Variants in RBFOX3 observed in about 807,000 individuals in gnomAD.
RBFOX3 encodes the protein RNA binding protein fox-1 homolog 3.
RBFOX3 carries 17 observed loss-of-function variants against 48.7 expected under a neutral mutation model. That is an observed-to-expected ratio of 0.35 (90% CI 0.24 to 0.52). The LOEUF is 0.52. Ranked by LOEUF, RBFOX3 falls within the 20% of genes least tolerant of loss-of-function variation. The pLI, the probability that RBFOX3 is intolerant of heterozygous loss-of-function variation, is 0.94. For missense variants in RBFOX3, 382 were observed against 497.5 expected (o/e 0.77, Z 2.21); for synonymous variants, 212 against 209.5 (o/e 1.01, Z -0.10).
intron 1 of RBFOX3, among the ~76,000 whole-genome samples, chr17:79,561,370 C>T (rs2092203756): frequency 2.0e-5 from 3 of 152,130 alleles, no homozygotes. Context: ...AGCCCTTCCC[C>T]AGGCTCTCCA....
intron 3 of RBFOX3, among the ~76,000 whole-genome samples, chr17:79,277,371 T>G (rs2069151472): frequency 6.6e-6 from 1 of 151,874 alleles, no homozygotes; most frequent in African/African-American, 2.4e-5. Flanking sequence ...TACAATTGAG[T>G]TTAATATTTA....
intron 4 of RBFOX3, among the ~76,000 whole-genome samples, chr17:79,129,201 G>A (rs528229872): frequency 1.3e-5 from 2 of 152,314 alleles, no homozygotes; most frequent in East Asian, 1.9e-4. Flanking sequence ...CCAGCACTGG[G>A]TGAAGCACTG....
At chr17:79,545,359 T>C (rs549653225) in intron 1 of RBFOX3, among the ~76,000 whole-genome samples, 96 of 152,278 alleles carry the variant, frequency 6.3e-4, no homozygotes, top group Middle Eastern at 6.8e-3. Flanking sequence ...ATTAGCCTGA[T>C]TGGAAGGCTC....
At chr17:79,491,179 G>C (rs2080566662) in intron 1 of RBFOX3, among the ~76,000 whole-genome samples, 1 of 82,276 alleles carries the variant, frequency 1.2e-5, no homozygotes, top group African/African-American at 5.3e-5. Context: ...GAGGAGAGGG[G>C]AGGGGAGGAG....
At chr17:79,104,263 C>T (rs577014259) in intron 6 of RBFOX3, 137 bp from the exon 7 acceptor site, 26 of 798,716 alleles carry the variant, frequency 3.3e-5, no homozygotes, top group Middle Eastern at 3.2e-4. Flanking sequence ...GAAAGGAGAC[C>T]GGGGACCCCC....
chr17:79,119,513 G>A (rs2035107127), intron 4 of RBFOX3, among the ~76,000 whole-genome samples: 1 of 152,180 alleles, frequency 6.6e-6, no homozygotes, highest in Non-Finnish European at 1.5e-5. Context: ...CCTGCCCAGG[G>A]TGGTTTGCAA....
intron 2 of RBFOX3, among the ~76,000 whole-genome samples, chr17:79,416,275 G>A: frequency 6.6e-6 from 1 of 152,216 alleles, no homozygotes; most frequent in South Asian, 2.1e-4. Flanking sequence ...AGCAGTTACT[G>A]CACCCAGAGC....
chr17:79,520,149 T>C (rs2085853205), intron 1 of RBFOX3, among the ~76,000 whole-genome samples: 1 of 152,130 alleles, frequency 6.6e-6, no homozygotes, highest in Non-Finnish European at 1.5e-5. Flanking sequence ...GGGACCAGTG[T>C]CCCTCCCAGC....
At chr17:79,341,634 C>T (rs2082107126) in intron 2 of RBFOX3, among the ~76,000 whole-genome samples, 1 of 152,116 alleles carries the variant, frequency 6.6e-6, no homozygotes, top group Non-Finnish European at 1.5e-5. Flanking sequence ...CCTTGGAAAG[C>T]CTTAGGGTCC....
chr17:79,491,884 A>G (rs1162516549), intron 1 of RBFOX3, among the ~76,000 whole-genome samples: 1 of 152,190 alleles, frequency 6.6e-6, no homozygotes, highest in Non-Finnish European at 1.5e-5. Context: ...GTTCAAGACC[A>G]GCCTGGCCAA....
At chr17:79,162,026 C>G (rs1371955722) in intron 4 of RBFOX3, among the ~76,000 whole-genome samples, 1 of 152,172 alleles carries the variant, frequency 6.6e-6, no homozygotes, top group Non-Finnish European at 1.5e-5. Flanking sequence ...GATTACAAAA[C>G]CGCTCACAGA....
At chr17:79,605,747 T>G (rs2145447447) in intron 1 of RBFOX3, among the ~76,000 whole-genome samples, 1 of 152,328 alleles carries the variant, frequency 6.6e-6, no homozygotes, top group East Asian at 1.9e-4. Flanking sequence ...AAAGAAAACT[T>G]GCAGTAGCAA....
intron 1 of RBFOX3, among the ~76,000 whole-genome samples, chr17:79,512,347 G>A (rs2084445427): frequency 7.8e-6 from 1 of 127,992 alleles, no homozygotes; most frequent in Admixed American, 7.6e-5. Context: ...ATCGGATACA[G>A]CCCCATGGCC....
At chr17:79,656,807 A>AG in the RBFOX3 span, among the ~76,000 whole-genome samples, 19 of 24,436 alleles carry the variant, frequency 7.8e-4, no homozygotes, top group African/African-American at 2.5e-3. Context: ...AGAAAGAAAG[A>AG]AAAGAAAGAG....
In RBFOX3 at chr17:79,477,421, TG is replaced by T. The variant is rs1320145235; in HGVS notation, c.-175+5032del. 5.7e-4 allele frequency among the ~76,000 whole-genome samples: 87 copies of T among 151,816 alleles called. No individual in the cohort carries two copies. Among genetic ancestry groups the T allele is most frequent in the Non-Finnish European group, 8.8e-5 (6 of 67,944 alleles). ...AATACAAAACATTAGCCAGACGTGG[TG>T]GCGGGCGCCTGTAGTCCCAGCTACT... On this transcript the variant is annotated intron_variant, in intron 2 of 14. Coordinates refer to ENST00000693108, the MANE Select transcript of RBFOX3 (RefSeq NM_001350451.2). The surrounding 1 kb of genome is among the most constrained non-coding windows in gnomAD (Gnocchi z 4.8).
the RBFOX3 span, among the ~76,000 whole-genome samples, chr17:79,621,218 C>T: frequency 6.6e-6 from 1 of 152,226 alleles, no homozygotes; most frequent in East Asian, 1.9e-4. Context: ...AGGCGGGTCT[C>T]GAACTCCTGA....
rs1029406479 is a variant in RBFOX3, at chr17:79,474,820, C to G, written c.-175+7634G>C. Among the ~76,000 whole-genome samples, 3 of 152,140 alleles carry G rather than the reference C, an allele frequency of 2.0e-5. No homozygotes were observed. The East Asian group carries it at 5.8e-4, about 29-fold the overall frequency. ...CCCACGCATCACTAACTTCAGCACC[C>G]GTGCCCACCCAAAAATGTGTCCACA... is the stretch of plus-strand genomic sequence containing the variant. On this transcript the variant is annotated intron_variant, in intron 2 of 14. Transcript: ENST00000693108.
chr17:79,633,059 T>C, the RBFOX3 span, among the ~76,000 whole-genome samples: 2 of 152,248 alleles, frequency 1.3e-5, no homozygotes, highest in Admixed American at 6.5e-5. Context: ...CTGCAGACCA[T>C]CCACGAAGTT....
intron 1 of RBFOX3, among the ~76,000 whole-genome samples, chr17:79,564,542 C>T (rs994234563): frequency 6.6e-5 from 10 of 152,060 alleles, no homozygotes; most frequent in Non-Finnish European, 1.3e-4. Context: ...ATTCCTTGAC[C>T]CAGGAATTCT....
Sources: gnomAD v4.1 joint callset for allele counts (sites outside exome capture counted in the v4.1 genomes callset) on GRCh38, gnomAD v4.1.1 for gene constraint, Gnocchi (gnomAD v3.1) non-coding constraint, MANE v1.5 for transcripts, NCBI Gene and HGNC (gene_info 2026-07-23, HGNC 2026-07-21) for gene names.